Variants in SFXN5 observed in about 807,000 individuals in gnomAD.
SFXN5 encodes the protein sideroflexin 5.
Under a neutral mutation model 50.2 loss-of-function variants are expected in SFXN5, and 43 were observed. That is an observed-to-expected ratio of 0.86 (90% CI 0.67 to 1.11). The LOEUF is 1.11. Ranked by LOEUF, SFXN5 falls within the 50% of genes least tolerant of loss-of-function variation. The pLI is 0.00. For missense variants in SFXN5, 463 were observed against 454.1 expected (o/e 1.02, Z -0.18); for synonymous variants, 203 against 185.8 (o/e 1.09, Z -0.75).
At chr2:73,066,541 G>T (rs1032172438) in intron 1 of SFXN5, among the ~76,000 whole-genome samples, 1 of 151,372 alleles carries the variant, frequency 6.6e-6, no homozygotes, top group Admixed American at 6.6e-5. Flanking sequence ...CTGGGCGACA[G>T]AGAGAGACTC....
chr2:72,989,169 G>A (rs1290358930), intron 9 of SFXN5, among the ~76,000 whole-genome samples: 2 of 152,024 alleles, frequency 1.3e-5, no homozygotes, highest in Non-Finnish European at 2.9e-5. Flanking sequence ...GTTCAACCCC[G>A]AGAGTCCAGT....
intron 1 of SFXN5, among the ~76,000 whole-genome samples, chr2:73,068,932 AGGT>A (rs1464081104): frequency 6.7e-6 from 1 of 150,324 alleles, no homozygotes; most frequent in African/African-American, 2.4e-5. Flanking sequence ...GTAGAGGAAG[AGGT>A]GATGTTCCAA....
chr2:72,954,639 C>T (rs1240929120), intron 13 of SFXN5, among the ~76,000 whole-genome samples: 2 of 152,216 alleles, frequency 1.3e-5, no homozygotes, highest in Non-Finnish European at 2.9e-5. Context: ...TCTCTCATCC[C>T]CACCCCAGCC....
At chr2:72,959,415 C>G (rs1157278845) in intron 13 of SFXN5, among the ~76,000 whole-genome samples, 1 of 152,112 alleles carries the variant, frequency 6.6e-6, no homozygotes, top group Non-Finnish European at 1.5e-5. Flanking sequence ...ACAGGCCCGG[C>G]TGCACTCCCA....
rs1340126982 is a variant in SFXN5, at chr2:72,983,008, G to T, written c.625+5250C>A. Among the ~76,000 whole-genome samples the T allele has an allele frequency of 2.6e-5, 4 of 152,242 alleles. No homozygotes were observed. The East Asian group carries it at 7.7e-4, about 29-fold the overall frequency. On this transcript the variant is annotated intron_variant, in intron 10 of 13. Coordinates refer to ENST00000272433, the MANE Select transcript of SFXN5 (RefSeq NM_144579.3). The stretch of plus-strand genomic sequence containing the variant: ...CTTGATGTCACAGGGCCCAGGACAA[G>T]CTGCCACAGGTGCACACTGCTGCCT...
At chr2:72,955,007 G>C (rs1200112150) in intron 13 of SFXN5, among the ~76,000 whole-genome samples, 1 of 152,224 alleles carries the variant, frequency 6.6e-6, no homozygotes, top group African/African-American at 2.4e-5. Context: ...AGTTGAGGTA[G>C]AGGGATGCCA....
intron 6 of SFXN5, among the ~76,000 whole-genome samples, chr2:73,003,793 C>T (rs1348950620): frequency 6.6e-6 from 1 of 152,168 alleles, no homozygotes; most frequent in Non-Finnish European, 1.5e-5. Flanking sequence ...AGTATTTGGG[C>T]TATGTACCAC....
chr2:72,979,328 A>G lies in SFXN5; in HGVS notation c.626-7643T>C, dbSNP rs1236702803. On this transcript the variant is annotated intron_variant, in intron 10 of 13. Transcript: ENST00000272433. ...TTTCTTCAATTTTCTATGTTAATAG[A>G]AAAATTTCATAATTAAAAAAACAGG... is the stretch of plus-strand genomic sequence containing the variant. Among the ~76,000 whole-genome samples, 3 of 152,006 alleles carry G rather than the reference A, an allele frequency of 2.0e-5. No individual in the cohort carries two copies. The East Asian group carries it at 5.8e-4, about 29-fold the overall frequency.
chr2:72,965,918 TA>T (rs1456738235), intron 12 of SFXN5, among the ~76,000 whole-genome samples: 25 of 152,160 alleles, frequency 1.6e-4, no homozygotes, highest in Non-Finnish European at 2.5e-4. Flanking sequence ...GTTCTCAGGA[TA>T]GCTGTAGGAT....
At chr2:73,010,423 T>TG (rs1431716493) in intron 6 of SFXN5, among the ~76,000 whole-genome samples, 1 of 152,212 alleles carries the variant, frequency 6.6e-6, no homozygotes, top group Non-Finnish European at 1.5e-5. Flanking sequence ...TCTCGGGCTA[T>TG]GGGGTGACTT....
At chr2:73,061,761 A>T (rs1389465168) in intron 1 of SFXN5, among the ~76,000 whole-genome samples, 2 of 135,308 alleles carry the variant, frequency 1.5e-5, no homozygotes, top group African/African-American at 3.7e-5. Flanking sequence ...TTTTGAAATT[A>T]AAAAAATCAA....
intron 13 of SFXN5, among the ~76,000 whole-genome samples, chr2:72,956,167 A>G (rs1429872242): frequency 1.3e-5 from 2 of 152,214 alleles, no homozygotes; most frequent in African/African-American, 4.8e-5. Flanking sequence ...GGCCTACAGC[A>G]GTAACCTCCA....
chr2:73,071,426 C>G, intron 1 of SFXN5, 178 bp downstream of exon 1: 1 of 599,992 alleles, frequency 1.7e-6, no homozygotes, highest in Admixed American at 3.2e-5. Flanking sequence ...GGAGTCCGCG[C>G]CCGCCCCGTT....
intron 3 of SFXN5, among the ~76,000 whole-genome samples, chr2:73,027,661 C>CT (rs908750970): frequency 1.0e-4 from 15 of 149,766 alleles, no homozygotes; most frequent in East Asian, 5.9e-4. Flanking sequence ...CATTTTTTAT[C>CT]TTTTTTTTTT....
At position 72,950,417 on chromosome 2, in the gene SFXN5, T is replaced by C. The variant is rs1672408210; in HGVS notation, c.946-5318A>G. On this transcript the variant is annotated intron_variant, in intron 13 of 13. Transcript: ENST00000272433. The surrounding 1 kb of genome is among the most constrained non-coding windows in gnomAD (Gnocchi z 4.2). ...TCACTCTATCCCAGGCCAACTTAAC[T>C]GGTCATTTGTTAGGACCCCTCCAGC... Among the ~76,000 whole-genome samples the C allele has an allele frequency of 6.6e-6, 1 of 152,200 alleles. No individual in the cohort carries two copies. The highest frequency in any genetic ancestry group is 2.4e-5 in the African/African-American group (1 of 41,444).
chr2:73,056,189 T>C lies in SFXN5; in HGVS notation c.171+2339A>G, dbSNP rs142586774. ...ATATTTGACATTTTATATGTACATA[T>C]ATTCCTACATACATTTGTAAATACA... On this transcript the variant is annotated intron_variant, in intron 2 of 13. Transcript: ENST00000272433. Among the ~76,000 whole-genome samples, 381 of 152,186 alleles carry C rather than the reference T, an allele frequency of 2.5e-3. 6 individuals are homozygous for C. The highest frequency in any genetic ancestry group is 8.6e-3 in the African/African-American group (358 of 41,512).
chr2:73,047,219 T>TA lies in SFXN5; in HGVS notation c.172-6289dup, dbSNP rs748772614. 2.0e-3 allele frequency among the ~76,000 whole-genome samples: 56 copies of TA among 27,524 alleles called. 3 individuals carry two copies. Among genetic ancestry groups the TA allele is most frequent in the Middle Eastern group, 0.17 (2 of 12 alleles). 18.1% of individuals were successfully genotyped at this position (27,524 alleles called of 152,430 possible). ...GGTGACAGAGTGAGACTCCATCTCG[T>TA]AAAAAAAAAAAAAAAAAAAAAAAAA... On this transcript the variant is annotated intron_variant, in intron 2 of 13. Transcript: ENST00000272433.
intron 13 of SFXN5, among the ~76,000 whole-genome samples, chr2:72,956,589 T>C (rs1179009655): frequency 6.6e-6 from 1 of 152,136 alleles, no homozygotes; most frequent in East Asian, 1.9e-4. Flanking sequence ...GTCAACAACT[T>C]TGGATCTTGG....
At chr2:73,009,789 G>C (rs1675263064) in intron 6 of SFXN5, among the ~76,000 whole-genome samples, 1 of 152,188 alleles carries the variant, frequency 6.6e-6, no homozygotes, top group Non-Finnish European at 1.5e-5. Context: ...CAGCATCCAA[G>C]TCTCCCACCT....
Sources: gnomAD v4.1 joint callset for allele counts (sites outside exome capture counted in the v4.1 genomes callset) on GRCh38, gnomAD v4.1.1 for gene constraint, Gnocchi (gnomAD v3.1) non-coding constraint, MANE v1.5 for transcripts, NCBI Gene and HGNC (gene_info 2026-07-23, HGNC 2026-07-21) for gene names.